TMEM245: variants seen among roughly 807,000 people sequenced by gnomAD.
TMEM245 encodes the protein protein CG-2.
TMEM245 carries 69 observed loss-of-function variants against 101.2 expected under a neutral mutation model. That is an observed-to-expected ratio of 0.68 (90% confidence interval 0.56 to 0.83). The LOEUF is 0.83. TMEM245 is among the 40% of genes least tolerant of loss of function. The pLI is 0.00. For missense variants in TMEM245, 1,075 were observed against 1,092.8 expected, an observed-to-expected ratio of 0.98 and a Z score of 0.23; for synonymous variants, 537 against 449.8, an observed-to-expected ratio of 1.19 and a Z score of -2.45.
At chr9:109,065,089 A>G (rs867187669) in intron 9 of TMEM245, among the ~76,000 whole-genome samples, 1 of 152,070 alleles carries the variant, frequency 6.6e-6, no homozygotes, top group Admixed American at 6.6e-5. Context: ...CCAGGCCTCA[A>G]TGTTTCCTTA....
Position 109,074,581 on chromosome 9 carries a change from C to T in TMEM245, c.1450-1143G>A, listed in dbSNP as rs1324700279. Among the ~76,000 whole-genome samples the T allele has an allele frequency of 2.6e-5, 4 of 152,060 alleles. No individual in the cohort carries two copies. The East Asian group carries it at 7.7e-4, about 29-fold the overall frequency. ...AGAGATCAAAGTCCCCCACCCACAC[C>T]CACCCCTCATCTCTGTCCCTTTCTG... On this transcript the variant is annotated intron_variant, in intron 8 of 17. Coordinates refer to ENST00000374586, the MANE Select transcript of TMEM245 (RefSeq NM_032012.4).
At chr9:109,110,207 T>C (rs1003590152) in intron 1 of TMEM245, among the ~76,000 whole-genome samples, 45 of 152,120 alleles carry the variant, frequency 3.0e-4, no homozygotes, top group Admixed American at 2.5e-3. Context: ...TTGCAGAGCA[T>C]AGAAAAAAAT....
chr9:109,024,207 T>C (rs1827726051), intron 17 of TMEM245, among the ~76,000 whole-genome samples: 2 of 152,154 alleles, frequency 1.3e-5, no homozygotes, highest in South Asian at 4.2e-4. Context: ...CAGCACTGAG[T>C]GTGTATTTCC....
intron 8 of TMEM245, among the ~76,000 whole-genome samples, chr9:109,076,593 C>A (rs1402689999): frequency 6.6e-6 from 1 of 151,842 alleles, no homozygotes; most frequent in Non-Finnish European, 1.5e-5. Context: ...TTATATACAC[C>A]CCTTCCCCGC....
At chr9:109,046,536 C>T (rs1478889128) in intron 14 of TMEM245, among the ~76,000 whole-genome samples, 1 of 152,102 alleles carries the variant, frequency 6.6e-6, no homozygotes, top group African/African-American at 2.4e-5. Context: ...ATAAAGAAAC[C>T]ACATACTTCA....
intron 9 of TMEM245, among the ~76,000 whole-genome samples, chr9:109,072,494 G>A (rs918235135): frequency 6.6e-5 from 10 of 152,148 alleles, no homozygotes; most frequent in East Asian, 1.9e-4. Context: ...AGAGCTCAGC[G>A]CCTTTTGCAG....
chr9:109,119,279 A>C (rs1588088725), intron 1 of TMEM245, 56 bp downstream of exon 1: 1 of 1,475,644 alleles, frequency 6.8e-7, no homozygotes, highest in Middle Eastern at 2.4e-4. Context: ...GCAGGATTGC[A>C]CCCCAGAGCG....
intron 1 of TMEM245, among the ~76,000 whole-genome samples, chr9:109,114,772 T>C (rs1406446248): frequency 6.6e-6 from 1 of 152,182 alleles, no homozygotes; most frequent in Non-Finnish European, 1.5e-5. Flanking sequence ...CGCCATCAGC[T>C]TTTTCAAATT....
chr9:109,032,364 C>CTTT (rs1564170109), intron 17 of TMEM245, among the ~76,000 whole-genome samples: 2 of 51,782 alleles, frequency 3.9e-5, no homozygotes, highest in Non-Finnish European at 8.6e-5. Flanking sequence ...TATTTCTTTT[C>CTTT]CTTTTTTTTT....
intron 17 of TMEM245, 34 bp downstream of exon 17, chr9:109,033,273 A>T (rs1828018013): frequency 6.4e-7 from 1 of 1,557,570 alleles, no homozygotes; most frequent in Non-Finnish European, 8.7e-7. Context: ...TTCAATGTAT[A>T]AATACAGCTT....
intron 14 of TMEM245, among the ~76,000 whole-genome samples, chr9:109,039,835 C>T (rs866600013): frequency 6.6e-6 from 1 of 151,508 alleles, no homozygotes; most frequent in Non-Finnish European, 1.5e-5. Context: ...ATGACATAAT[C>T]GACCACAGAG....
At chr9:109,109,970 T>C (rs975797366) in intron 1 of TMEM245, among the ~76,000 whole-genome samples, 2 of 152,196 alleles carry the variant, frequency 1.3e-5, no homozygotes, top group African/African-American at 4.8e-5. Context: ...GTTTTTCCTT[T>C]CACTTTTTTC....
chr9:109,019,957 G>C lies in TMEM245; in HGVS notation c.*503C>G, dbSNP rs1226549534. The C allele has an allele frequency of 6.5e-6, 1 of 152,978 alleles. No homozygotes were observed. Among genetic ancestry groups the C allele is most frequent in the African/African-American group, 2.4e-5 (1 of 41,434 alleles). The allele number at this position is 152,978 out of a possible 1,614,324, so 9.5% of individuals were successfully genotyped here. On this transcript the variant is annotated 3_prime_UTR_variant, in exon 18 of 18. Coordinates refer to ENST00000374586, the MANE Select transcript of TMEM245 (RefSeq NM_032012.4). ...GAGCGTATAATACATTGTGGGAGAA[G>C]GGTAGAAGATTCATTTTTCCTGCTC...
intron 7 of TMEM245, among the ~76,000 whole-genome samples, chr9:109,083,916 A>AACAAAAAAAAAAC (rs1554725099): frequency 7.5e-6 from 1 of 132,584 alleles, no homozygotes; most frequent in South Asian, 2.5e-4. Context: ...AAAAAAAAAA[A>AACAAAAAAAAAAC]AAAAAAAAAA....
At chr9:109,024,985 G>C (rs1243121183) in intron 17 of TMEM245, among the ~76,000 whole-genome samples, 1 of 152,180 alleles carries the variant, frequency 6.6e-6, no homozygotes, top group East Asian at 1.9e-4. Flanking sequence ...ACTGGAGGCA[G>C]GAACCAGTAA....
intron 14 of TMEM245, among the ~76,000 whole-genome samples, chr9:109,042,672 T>A (rs1362062430): frequency 6.6e-6 from 1 of 152,044 alleles, no homozygotes; most frequent in African/African-American, 2.4e-5. Context: ...GAGATGAAGC[T>A]CATATAACAT....
At chr9:109,020,585 G>C (rs1415576802) in intron 17 of TMEM245, 80 bp from the exon 18 acceptor site, 2 of 1,269,694 alleles carry the variant, frequency 1.6e-6, no homozygotes, top group African/African-American at 3.0e-5. Flanking sequence ...GAGCCCTAAT[G>C]AGATTATATA....
chr9:109,087,306 A>C lies in TMEM245; in HGVS notation c.1187T>G (p.Val396Gly). 1 of 1,609,684 alleles carries C rather than the reference A, an allele frequency of 6.2e-7. No individual in the cohort carries two copies. The highest frequency in any genetic ancestry group is 8.5e-7 in the Non-Finnish European group (1 of 1,178,596). ...ILKKLVIHFG[V>G]VDFLEKRYHV... ...GTAGCGTTTCTCTAGGAAATCCACA[A>C]CTCCAAAGTGAATGACAAGCTTTTT... Residue 396 changes from valine to glycine, a missense_variant, in exon 6 of 18, where the codon GTT becomes GGT. Coordinates refer to ENST00000374586, the MANE Select transcript of TMEM245 (RefSeq NM_032012.4).
At chr9:109,115,367 A>G (rs1021319233) in intron 1 of TMEM245, among the ~76,000 whole-genome samples, 10 of 151,930 alleles carry the variant, frequency 6.6e-5, no homozygotes, top group African/African-American at 2.4e-4. Flanking sequence ...GAAAAAAGAA[A>G]AACATAGGTC....
Sources: allele counts gnomAD v4.1 joint callset (sites outside exome capture counted in the v4.1 genomes callset), GRCh38; gene constraint gnomAD v4.1.1; transcripts MANE v1.5; gene names NCBI Gene and HGNC (gene_info 2026-07-23, HGNC 2026-07-21).